ELF1: variants seen among roughly 807,000 people sequenced by gnomAD.
ELF1 encodes ETS-related transcription factor Elf-1.
Under a neutral mutation model 59.9 loss-of-function variants are expected in ELF1, and 24 were observed. The ratio of observed to expected loss-of-function variants is 0.40; its 90% CI spans 0.29 to 0.56. The LOEUF (loss-of-function observed/expected upper bound fraction) is 0.56. ELF1 is among the 20% of genes least tolerant of loss of function. The pLI is 0.44. For missense variants in ELF1, 627 were observed against 742.2 expected (o/e 0.84, Z 1.80); for synonymous variants, 248 against 266.2 (o/e 0.93, Z 0.67).
At chr13:41,016,819 CAGG>C (rs1875390581) in intron 1 of ELF1, among the ~76,000 whole-genome samples, 1 of 143,366 alleles carries the variant, frequency 7.0e-6, no homozygotes, top group South Asian at 2.3e-4. Context: ...GAGGCTGAGG[CAGG>C]AGAATTGCTT....
intron 2 of ELF1, among the ~76,000 whole-genome samples, chr13:40,964,779 C>A (rs1030975360): frequency 6.6e-6 from 1 of 152,182 alleles, no homozygotes; most frequent in Non-Finnish European, 1.5e-5. Context: ...AAGCGATCCA[C>A]CCAACTCGGC....
chr13:40,944,038 T>G (rs190485970), intron 5 of ELF1, 113 bp from the exon 6 acceptor site: 2 of 929,560 alleles, frequency 2.2e-6, no homozygotes, highest in East Asian at 2.6e-5. Flanking sequence ...TTTTTATACA[T>G]GGGTCACATA....
intron 6 of ELF1, among the ~76,000 whole-genome samples, 192 bp from the exon 7 acceptor site, chr13:40,943,336 C>A (rs1243883128): frequency 6.6e-6 from 1 of 152,104 alleles, no homozygotes; most frequent in Non-Finnish European, 1.5e-5. Flanking sequence ...TAATAAAGAT[C>A]TTTTTATGAG....
chr13:41,000,609 T>G (rs1395113935), intron 1 of ELF1, among the ~76,000 whole-genome samples: 5 of 152,138 alleles, frequency 3.3e-5, no homozygotes, highest in Non-Finnish European at 7.4e-5. Flanking sequence ...TCTCAGTAGA[T>G]GTAATGGGCA....
chr13:40,985,481 TA>T (rs908947333), intron 1 of ELF1, among the ~76,000 whole-genome samples: 1 of 152,182 alleles, frequency 6.6e-6, no homozygotes, highest in Non-Finnish European at 1.5e-5. Context: ...AAAACTGTAA[TA>T]TACAGCTGGG....
intron 1 of ELF1, among the ~76,000 whole-genome samples, chr13:41,048,820 TC>T (rs2138431230): frequency 6.6e-6 from 1 of 151,956 alleles, no homozygotes; most frequent in East Asian, 1.9e-4. Flanking sequence ...TCATTCTCAC[TC>T]CCTGCTTTTC....
chr13:40,937,543 C>A (rs1028219971), intron 8 of ELF1, among the ~76,000 whole-genome samples: 1 of 152,196 alleles, frequency 6.6e-6, no homozygotes, highest in East Asian at 1.9e-4. Flanking sequence ...CATCTCAGCT[C>A]ACTGCAACCT....
chr13:41,004,702 T>C (rs1469092424), intron 1 of ELF1, among the ~76,000 whole-genome samples: 1 of 152,148 alleles, frequency 6.6e-6, no homozygotes, highest in African/African-American at 2.4e-5. Context: ...AAGATCAAAA[T>C]ATTAGCCTAA....
chr13:40,940,418 A>AAAAC (rs878999576), intron 8 of ELF1, among the ~76,000 whole-genome samples: 8 of 140,580 alleles, frequency 5.7e-5, no homozygotes, highest in African/African-American at 2.0e-4. Flanking sequence ...AAAAAAAAAA[A>AAAAC]CAAACCTACT....
chr13:40,936,135 A>C (rs903041198), intron 8 of ELF1, among the ~76,000 whole-genome samples: 2 of 152,144 alleles, frequency 1.3e-5, no homozygotes, highest in Non-Finnish European at 2.9e-5. Flanking sequence ...CTGATGCACA[A>C]ACAGGTTGCA....
chr13:41,060,766 A>T (rs1284492521), intron 1 of ELF1: 1 of 167,330 alleles, frequency 6.0e-6, no homozygotes, highest in East Asian at 1.1e-4. Flanking sequence ...AACCCGGGCC[A>T]CCTGGGTGAA....
chr13:40,996,362 G>A (rs1223005584), intron 1 of ELF1, among the ~76,000 whole-genome samples: 1 of 152,214 alleles, frequency 6.6e-6, no homozygotes, highest in Non-Finnish European at 1.5e-5. Context: ...GCACATGGAT[G>A]TTTACAGCAG....
intron 1 of ELF1, among the ~76,000 whole-genome samples, chr13:40,998,147 AAAAAC>A (rs1464285693): frequency 6.6e-6 from 1 of 152,224 alleles, no homozygotes; most frequent in South Asian, 2.1e-4. Flanking sequence ...CCTGTCTCAA[AAAAAC>A]AAAACAAAAG....
intron 2 of ELF1, among the ~76,000 whole-genome samples, chr13:40,962,946 T>C (rs1163674392): frequency 6.6e-6 from 1 of 152,200 alleles, no homozygotes; most frequent in Non-Finnish European, 1.5e-5. Context: ...CGAGAAGAGA[T>C]TATTCACTCT....
chr13:41,036,078 T>G (rs187958634), intron 1 of ELF1, among the ~76,000 whole-genome samples: 379 of 151,816 alleles, frequency 2.5e-3, no homozygotes, highest in African/African-American at 7.7e-3. Context: ...CTAATTTTTT[T>G]TTGTTGTTGT....
intron 7 of ELF1, among the ~76,000 whole-genome samples, 170 bp downstream of exon 7, chr13:40,942,782 A>G (rs1437871181): frequency 6.6e-6 from 1 of 152,132 alleles, no homozygotes; most frequent in African/African-American, 2.4e-5. Flanking sequence ...TCAGCCTCCC[A>G]AAGTGTTGGG....
chr13:40,936,893 C>T (rs1869820977), intron 8 of ELF1, among the ~76,000 whole-genome samples: 1 of 151,618 alleles, frequency 6.6e-6, no homozygotes, highest in Non-Finnish European at 1.5e-5. Flanking sequence ...GTGAAGGGAG[C>T]AGTGTGAGTG....
At chr13:41,010,376 A>C (rs1205738771) in intron 1 of ELF1, among the ~76,000 whole-genome samples, 1 of 151,384 alleles carries the variant, frequency 6.6e-6, no homozygotes, top group Non-Finnish European at 1.5e-5. Context: ...GCTTGAGCCC[A>C]GGAGTTTGAG....
intron 1 of ELF1, among the ~76,000 whole-genome samples, chr13:41,028,994 C>T (rs779434487): frequency 3.3e-5 from 5 of 152,186 alleles, no homozygotes; most frequent in Non-Finnish European, 5.9e-5. Flanking sequence ...CTGCCTGCCT[C>T]GGCCTCCCAA....
Sources: allele counts gnomAD v4.1 joint callset (sites outside exome capture counted in the v4.1 genomes callset), GRCh38; gene constraint gnomAD v4.1.1; transcripts MANE v1.5; gene names NCBI Gene and HGNC (gene_info 2026-07-23, HGNC 2026-07-21).